TMEM71: variants seen among roughly 807,000 people sequenced by gnomAD.
TMEM71 encodes transmembrane protein 71.
A neutral mutation model predicts 38.0 loss-of-function variants in TMEM71; 44 were observed. The ratio of observed to expected loss-of-function variants is 1.16; its 90% CI spans 0.91 to 1.49. The LOEUF is 1.49. TMEM71 is among the 40% of genes most tolerant of loss of function. The pLI is 0.00. For missense variants in TMEM71, 367 were observed against 348.6 expected (o/e 1.05, Z -0.42); for synonymous variants, 133 against 122.5 (o/e 1.09, Z -0.56).
upstream of TMEM71, among the ~76,000 whole-genome samples, chr8:132,764,694 T>C (rs574226789): frequency 1.3e-5 from 2 of 152,334 alleles, no homozygotes; most frequent in South Asian, 2.1e-4. Flanking sequence ...GCTTTTTCTC[T>C]GAGCAGCCTC....
At chr8:132,736,330 T>C (rs1427672351) in intron 5 of TMEM71, among the ~76,000 whole-genome samples, 1 of 151,730 alleles carries the variant, frequency 6.6e-6, no homozygotes, top group African/African-American at 2.4e-5. Context: ...ACATTAGAGG[T>C]GAGCCTGAGT....
At chr8:132,712,381 G>A (rs1028840009) in intron 9 of TMEM71, among the ~76,000 whole-genome samples, 4 of 152,136 alleles carry the variant, frequency 2.6e-5, no homozygotes, top group African/African-American at 9.7e-5. Flanking sequence ...CAAACAATGA[G>A]CTCAGAACAA....
intron 5 of TMEM71, among the ~76,000 whole-genome samples, chr8:132,736,107 C>G (rs747993497): frequency 1.3e-5 from 2 of 152,116 alleles, no homozygotes; most frequent in Non-Finnish European, 2.9e-5. Context: ...CCTTGGTCTT[C>G]TTGGTTTTAT....
intron 3 of TMEM71, among the ~76,000 whole-genome samples, chr8:132,753,214 C>A (rs1828820748): frequency 6.6e-6 from 1 of 151,966 alleles, no homozygotes; most frequent in Admixed American, 6.5e-5. Context: ...TGTAAATAAA[C>A]TCAATGCCAG....
chr8:132,734,434 A>G (rs960446873), intron 5 of TMEM71, among the ~76,000 whole-genome samples: 21 of 152,220 alleles, frequency 1.4e-4, no homozygotes, highest in African/African-American at 5.1e-4. Flanking sequence ...TTATGTAGTC[A>G]TGAGTGCCCC....
chr8:132,775,406 AGGCGGC>A, the TMEM71 span: 1 of 382,638 alleles, frequency 2.6e-6, no homozygotes, highest in African/African-American at 2.1e-5. Context: ...CCGGCGGCGG[AGGCGGC>A]GGCGGCGGCG....
At chr8:132,731,733 A>G (rs1024474203) in intron 5 of TMEM71, among the ~76,000 whole-genome samples, 16 of 152,228 alleles carry the variant, frequency 1.1e-4, no homozygotes, top group African/African-American at 3.9e-4. Flanking sequence ...ACAGGGAGGA[A>G]GAAAGGAAAG....
chr8:132,717,364 A>G (rs534371697), intron 7 of TMEM71, among the ~76,000 whole-genome samples: 7 of 152,262 alleles, frequency 4.6e-5, no homozygotes, highest in Non-Finnish European at 8.8e-5. Flanking sequence ...TATGCAGAAT[A>G]TATAAAGAAT....
At chr8:132,728,728 A>T (rs890298287) in intron 5 of TMEM71, among the ~76,000 whole-genome samples, 5 of 152,200 alleles carry the variant, frequency 3.3e-5, no homozygotes, top group Admixed American at 3.3e-4. Flanking sequence ...AACTCTTTCT[A>T]CTTCTGATTC....
At chr8:132,728,391 T>C (rs1827271111) in intron 5 of TMEM71, among the ~76,000 whole-genome samples, 1 of 152,120 alleles carries the variant, frequency 6.6e-6, no homozygotes, top group African/African-American at 2.4e-5. Flanking sequence ...TCAGATCTCA[T>C]GAGACTTATT....
upstream of TMEM71, among the ~76,000 whole-genome samples, chr8:132,763,346 T>G (rs1360607627): frequency 6.6e-6 from 1 of 152,254 alleles, no homozygotes; most frequent in African/African-American, 2.4e-5. Flanking sequence ...TCAAGAGTAG[T>G]GCTTCCCATA....
intron 3 of TMEM71, 104 bp from the exon 4 acceptor site, chr8:132,752,101 T>C: frequency 2.2e-6 from 2 of 911,288 alleles, no homozygotes; most frequent in Non-Finnish European, 3.4e-6. Flanking sequence ...TTTGCATCCA[T>C]GACTGTCAAT....
chr8:132,716,052 A>G (rs1198377550), intron 7 of TMEM71, among the ~76,000 whole-genome samples: 1 of 152,164 alleles, frequency 6.6e-6, no homozygotes, highest in Non-Finnish European at 1.5e-5. Context: ...AGCCGAGAAC[A>G]GGAGGGAGCC....
At chr8:132,763,251 A>G (rs1829325132), upstream of TMEM71, among the ~76,000 whole-genome samples, 1 of 152,214 alleles carries the variant, frequency 6.6e-6, no homozygotes, top group Non-Finnish European at 1.5e-5. Context: ...ATTCCTTGTA[A>G]TAAGAAACGT....
chr8:132,709,015 A>T (rs1826135286), downstream of TMEM71, among the ~76,000 whole-genome samples: 1 of 152,192 alleles, frequency 6.6e-6, no homozygotes, highest in South Asian at 2.1e-4. Context: ...TAGCCATAGT[A>T]AGCTTATACA....
At chr8:132,711,590 G>A (rs947513122) in intron 9 of TMEM71, among the ~76,000 whole-genome samples, 11 of 152,254 alleles carry the variant, frequency 7.2e-5, no homozygotes, top group South Asian at 2.1e-4. Context: ...TGTGCAAAAC[G>A]TGTACCGCTG....
At chr8:132,757,175 C>T (rs1829069516) in intron 3 of TMEM71, 59 bp downstream of exon 3, 2 of 1,297,278 alleles carry the variant, frequency 1.5e-6, no homozygotes, top group Non-Finnish European at 2.2e-6. Context: ...GGATTACAGG[C>T]ATGAGCCACC....
intron 3 of TMEM71, among the ~76,000 whole-genome samples, chr8:132,756,796 C>T (rs1281760846): frequency 6.6e-6 from 1 of 151,834 alleles, no homozygotes; most frequent in Admixed American, 6.6e-5. Context: ...CATGTTTTAC[C>T]CAGGCTGGAC....
At chr8:132,762,515 C>T (rs775422670), upstream of TMEM71, among the ~76,000 whole-genome samples, 2 of 151,852 alleles carry the variant, frequency 1.3e-5, no homozygotes, top group African/African-American at 2.4e-5. Context: ...CATATTAGAA[C>T]CTTATTATTA....
Sources: gnomAD v4.1 joint callset for allele counts (sites outside exome capture counted in the v4.1 genomes callset) on GRCh38, gnomAD v4.1.1 for gene constraint, MANE v1.5 for transcripts, NCBI Gene and HGNC (gene_info 2026-07-23, HGNC 2026-07-21) for gene names.